SEMA5A: variants seen among roughly 807,000 people sequenced by gnomAD.
SEMA5A encodes semaphorin 5A.
A neutral mutation model predicts 135.5 loss-of-function variants in SEMA5A; 55 were observed. The observed-to-expected ratio is 0.41, with a 90% CI of 0.33 to 0.51. The LOEUF (loss-of-function observed/expected upper bound fraction) is 0.51. Among genes scored for constraint, SEMA5A ranks in the 20% least tolerant of loss-of-function variants. SEMA5A has a pLI of 0.37. For synonymous variants in SEMA5A, 580 were observed against 546.5 expected, an observed-to-expected ratio of 1.06 and a Z score of -0.85; for missense variants, 1,290 against 1,419.9, an observed-to-expected ratio of 0.91 and a Z score of 1.47.
chr5:9,544,877 A>C (rs761490882), intron 1 of SEMA5A, among the ~76,000 whole-genome samples: 187 of 152,276 alleles, frequency 1.2e-3, no homozygotes, highest in Non-Finnish European at 2.3e-3. Context: ...GGGAGAAACC[A>C]TTCCCTCTGG....
intron 10 of SEMA5A, among the ~76,000 whole-genome samples, chr5:9,194,558 T>C (rs1373038509): frequency 1.3e-5 from 2 of 152,240 alleles, no homozygotes; most frequent in Non-Finnish European, 2.9e-5. Flanking sequence ...CCAGTCTGGA[T>C]GGTTTCATGA....
intron 11 of SEMA5A, among the ~76,000 whole-genome samples, chr5:9,170,408 G>A (rs1397671388): frequency 6.6e-6 from 1 of 152,074 alleles, no homozygotes; most frequent in African/African-American, 2.4e-5. Context: ...ACTCTTAGAT[G>A]CAAATATATT....
At chr5:9,213,916 A>G (rs877191) in intron 8 of SEMA5A, among the ~76,000 whole-genome samples, 82,527 of 151,832 alleles carry the variant, frequency 0.54, 22,745 homozygotes, top group African/African-American at 0.63. Context: ...TTTCTCTGCA[A>G]GTAAAATGGG....
rs577066099 is a variant in SEMA5A, at chr5:9,206,088, C to A, written c.647-3848G>T. Among the ~76,000 whole-genome samples, 11 of 152,218 alleles carry A rather than the reference C, an allele frequency of 7.2e-5. No homozygotes were observed. In the South Asian group the frequency reaches 2.3e-3, roughly 32 times the overall value. Reference sequence around the variant, plus strand: ...GTTCTGTCTTTTCTCAAAATGCAATCCACCACAAACTAGTATCTGTCACTC... The same window carrying A: ...GTTCTGTCTTTTCTCAAAATGCAATACACCACAAACTAGTATCTGTCACTC... On this transcript the variant is annotated intron_variant, in intron 8 of 22. Transcript: ENST00000382496.
chr5:9,399,571 G>GA (rs1016935786), intron 2 of SEMA5A, among the ~76,000 whole-genome samples: 1 of 152,100 alleles, frequency 6.6e-6, no homozygotes, highest in African/African-American at 2.4e-5. Flanking sequence ...GTGAATGTAT[G>GA]AAAAATTATG....
rs375251868 is a variant in SEMA5A, at chr5:9,095,452, C to T, written c.2073+12688G>A. On this transcript the variant is annotated intron_variant, in intron 16 of 22. Coordinates refer to ENST00000382496, the MANE Select transcript of SEMA5A (RefSeq NM_003966.3). ...GCTGTTGTGCCCTTTCTCACATTCACGTAGAAGAGATCTGAACTAGGCTCC... is the reference window on the plus strand; with the variant it reads ...GCTGTTGTGCCCTTTCTCACATTCATGTAGAAGAGATCTGAACTAGGCTCC... Among the ~76,000 whole-genome samples the T allele has an allele frequency of 7.2e-5, 11 of 152,068 alleles. No homozygotes were observed. The East Asian group carries it at 1.2e-3, about 16-fold the overall frequency.
intron 1 of SEMA5A, among the ~76,000 whole-genome samples, chr5:9,492,647 T>C (rs950168687): frequency 2.0e-5 from 3 of 152,196 alleles, no homozygotes; most frequent in Non-Finnish European, 4.4e-5. Flanking sequence ...AATCTTTATT[T>C]AGAAGAAAAT....
At chr5:9,231,465 CAAAAAAAAAA>C (rs58901854) in intron 6 of SEMA5A, among the ~76,000 whole-genome samples, 3 of 64,658 alleles carry the variant, frequency 4.6e-5, no homozygotes, top group South Asian at 9.7e-4. Context: ...GACTCCATCT[CAAAAAAAAAA>C]AAAAAAAAAA....
chr5:9,177,749 G>A (rs1464245940), intron 11 of SEMA5A, among the ~76,000 whole-genome samples: 1 of 152,178 alleles, frequency 6.6e-6, no homozygotes, highest in Non-Finnish European at 1.5e-5. Context: ...GGTTACTAGG[G>A]TTATGTGGAT....
intron 11 of SEMA5A, among the ~76,000 whole-genome samples, chr5:9,168,979 A>G (rs979015547): frequency 1.3e-5 from 2 of 152,192 alleles, no homozygotes; most frequent in Admixed American, 1.3e-4. Context: ...ACATCACAAG[A>G]CTCAGACCCC....
rs57533658 is a variant in SEMA5A at position 9,123,258 on chromosome 5, CAAAAAAAAAAAAAAAAAAA to C, written c.1600-440_1600-422del. Among the ~76,000 whole-genome samples the C allele has an allele frequency of 6.0e-3, 232 of 38,942 alleles. 4 individuals carry two copies. The highest frequency in any genetic ancestry group is 0.014 in the African/African-American group (210 of 15,436). The allele number at this position is 38,942 out of a possible 152,430, so 25.5% of individuals were successfully genotyped here. On this transcript the variant is annotated intron_variant, in intron 13 of 22. Transcript: ENST00000382496. ...TGAGGGAAGGAGCGAGACTCCGCCT[CAAAAAAAAAAAAAAAAAAA>C]AAAAAAAAAAAAAAAAAGATTGCAT... is the stretch of plus-strand genomic sequence containing the variant.
intron 1 of SEMA5A, among the ~76,000 whole-genome samples, chr5:9,542,455 G>A (rs12055364): frequency 6.6e-6 from 1 of 152,088 alleles, no homozygotes. Context: ...TAACTTTCTT[G>A]GTATAAATTT....
chr5:9,515,627 C>T (rs186164536), intron 1 of SEMA5A, among the ~76,000 whole-genome samples: 8 of 152,300 alleles, frequency 5.3e-5, no homozygotes, highest in Admixed American at 4.6e-4. Flanking sequence ...TTCTGTCACA[C>T]CCCGGCCAGT....
chr5:9,423,014 T>C (rs1010800007), intron 2 of SEMA5A, among the ~76,000 whole-genome samples: 2 of 152,238 alleles, frequency 1.3e-5, no homozygotes, highest in African/African-American at 2.4e-5. Flanking sequence ...GAACAGTTGA[T>C]GCAAATTCCA....
intron 16 of SEMA5A, among the ~76,000 whole-genome samples, chr5:9,089,610 A>G (rs1324536625): frequency 6.6e-6 from 1 of 152,134 alleles, no homozygotes; most frequent in Non-Finnish European, 1.5e-5. Flanking sequence ...TCTTGACCTT[A>G]CCACCCTTAT....
chr5:9,238,693 C>G (rs956376625), intron 5 of SEMA5A, among the ~76,000 whole-genome samples: 8 of 151,356 alleles, frequency 5.3e-5, no homozygotes, highest in East Asian at 1.9e-4. Context: ...ATTGAGGCAC[C>G]TGGGCTTTTT....
At chr5:9,212,577 G>A (rs1213304338) in intron 8 of SEMA5A, among the ~76,000 whole-genome samples, 2 of 152,186 alleles carry the variant, frequency 1.3e-5, no homozygotes, top group Non-Finnish European at 2.9e-5. Context: ...GGCTCAAAGG[G>A]AAGATGTTAT....
chr5:9,065,475 T>G (rs1473267693), intron 17 of SEMA5A, among the ~76,000 whole-genome samples: 1 of 152,244 alleles, frequency 6.6e-6, no homozygotes, highest in East Asian at 1.9e-4. Flanking sequence ...CTATCCACTC[T>G]GGGTAAAAGA....
At chr5:9,414,774 A>G (rs1757226916) in intron 2 of SEMA5A, among the ~76,000 whole-genome samples, 1 of 152,208 alleles carries the variant, frequency 6.6e-6, no homozygotes, top group Non-Finnish European at 1.5e-5. Flanking sequence ...ATGGGAATGA[A>G]TCCCAGCTTC....
Sources: allele counts gnomAD v4.1 joint callset (sites outside exome capture counted in the v4.1 genomes callset), GRCh38; gene constraint gnomAD v4.1.1; transcripts MANE v1.5; gene names NCBI Gene and HGNC (gene_info 2026-07-23, HGNC 2026-07-21).